NEB: variants seen among roughly 807,000 people sequenced by gnomAD.
The protein encoded by NEB is nebulin.
In NEB, 512 loss-of-function variants were observed where a neutral mutation model predicts 952.2. That is an observed-to-expected ratio of 0.54 (90% confidence interval 0.50 to 0.58). The LOEUF (loss-of-function observed/expected upper bound fraction) is 0.58, where lower values mean the gene tolerates loss of function less well. Ranked by LOEUF, NEB falls within the 20% of genes least tolerant of loss-of-function variation. NEB has a pLI of 0.00. For synonymous variants in NEB, 2,900 were observed against 3,149.8 expected, an observed-to-expected ratio of 0.92 and a Z score of 2.66; for missense variants, 8,428 against 9,231.1, an observed-to-expected ratio of 0.91 and a Z score of 3.56.
intron 135 of NEB, 77 bp from the exon 136 acceptor site, chr2:151,541,628 T>C: frequency 8.7e-7 from 1 of 1,152,500 alleles, no homozygotes; most frequent in Non-Finnish European, 1.3e-6. Context: ...CTTCACTGCT[T>C]TTACATAGAA....
At chr2:151,553,265 C>T in intron 127 of NEB, 133 bp downstream of exon 127, 1 of 722,628 alleles carries the variant, frequency 1.4e-6, no homozygotes, top group Admixed American at 2.2e-5. Flanking sequence ...TGCTCTGCTC[C>T]TAGCAACTTT....
chr2:151,620,056 T>C (rs2098354972), intron 72 of NEB, among the ~76,000 whole-genome samples: 1 of 152,058 alleles, frequency 6.6e-6, no homozygotes, highest in Non-Finnish European at 1.5e-5. Flanking sequence ...GTCTCAGAAA[T>C]CCATCATGTG....
At position 151,664,774 on chromosome 2, in the gene NEB, T is replaced by G. The variant is rs2099190678; in HGVS notation, c.5328A>C (p.Gln1776His). ...ACCTACTTACATCACTCATGGTGAT[T>G]TGGTTTACTCTGGAGAGTAAAATAT... ...TPDILLSRVN[Q>H]ITMSDKLYKA... Residue 1776 changes from glutamine (Q) to histidine (H), a missense_variant, in exon 43 of 182, where the codon CAA becomes CAC. Gln to His is a conservative substitution (Grantham distance 24). Transcript: ENST00000397345. The G allele has an allele frequency of 1.2e-6, 2 of 1,609,704 alleles. No homozygotes were observed. The highest frequency in any genetic ancestry group is 2.7e-5 in the African/African-American group (2 of 74,812).
chr2:151,506,046 C>T, intron 164 of NEB, 120 bp downstream of exon 164: 2 of 859,608 alleles, frequency 2.3e-6, no homozygotes, highest in South Asian at 2.7e-5. Context: ...GGTACACAGG[C>T]ACCTATTTTA....
chr2:151,655,952 C>T lies in NEB; in HGVS notation c.6567G>A (p.Val2189=), dbSNP rs1462683058. ...ATTCAGTTGCTTTCTTGGCCTTCTC[C>T]ACTTCCAGAGAACCTGCTGGACTCC... ...LGWSPAGSLE[V]EKAKKATEYA... Residue 2189 remains valine (V), a synonymous_variant, in exon 50 of 182, where the codon GTG becomes GTA. Transcript: ENST00000397345. 6.2e-7 allele frequency: 1 copy of T among 1,613,790 alleles called. No homozygotes were observed. Among genetic ancestry groups the T allele is most frequent in the Non-Finnish European group, 8.5e-7 (1 of 1,179,792 alleles).
chr2:151,552,459 C>G (rs4664056), intron 128 of NEB, among the ~76,000 whole-genome samples: 88,562 of 151,976 alleles, frequency 0.58, 26,378 homozygotes, highest in Admixed American at 0.69. Context: ...CATAGACTCG[C>G]ATCACCTACA....
At chr2:151,670,414 A>G (rs184895840) in intron 38 of NEB, among the ~76,000 whole-genome samples, 1 of 144,756 alleles carries the variant, frequency 6.9e-6, no homozygotes, top group African/African-American at 2.8e-5. Flanking sequence ...TCTGACAGAA[A>G]GAATAAGAGT....
At chr2:151,643,610 G>A (rs1474797990) in intron 57 of NEB, among the ~76,000 whole-genome samples, 1 of 152,150 alleles carries the variant, frequency 6.6e-6, no homozygotes, top group African/African-American at 2.4e-5. Context: ...TGTCTAGCTC[G>A]ACAATCTAGA....
At chr2:151,674,951 G>T (rs1279265677) in intron 35 of NEB, among the ~76,000 whole-genome samples, 1 of 152,138 alleles carries the variant, frequency 6.6e-6, no homozygotes, top group Non-Finnish European at 1.5e-5. Flanking sequence ...AAATTTTAGG[G>T]TTGTTATTTT....
chr2:151,513,405 G>A (rs2075846620), intron 160 of NEB, among the ~76,000 whole-genome samples, 175 bp downstream of exon 160: 1 of 152,192 alleles, frequency 6.6e-6, no homozygotes, highest in Non-Finnish European at 1.5e-5. Context: ...ACAGCAATGA[G>A]CCTGGCAAAG....
chr2:151,716,595 G>A (rs1311234036), intron 10 of NEB, among the ~76,000 whole-genome samples: 1 of 151,886 alleles, frequency 6.6e-6, no homozygotes, highest in Non-Finnish European at 1.5e-5. Flanking sequence ...TACACAGTTA[G>A]GTAATCTACA....
chr2:151,644,319 A>T, intron 56 of NEB, 149 bp downstream of exon 56: 1 of 1,044,338 alleles, frequency 9.6e-7, no homozygotes, highest in Non-Finnish European at 1.4e-6. Flanking sequence ...TGCATCCTTG[A>T]TCTTATCCTC....
At chr2:151,725,663 T>C (rs2099788374) in intron 5 of NEB, 103 bp from the exon 6 acceptor site, 1 of 887,310 alleles carries the variant, frequency 1.1e-6, no homozygotes, top group Non-Finnish European at 1.8e-6. Flanking sequence ...TTATAGCAAT[T>C]ATCAATTATA....
At chr2:151,685,440 T>C (rs1024809790) in intron 27 of NEB, among the ~76,000 whole-genome samples, 1 of 152,236 alleles carries the variant, frequency 6.6e-6, no homozygotes, top group Admixed American at 6.5e-5. Flanking sequence ...AGAGTCATTT[T>C]TGAATGGATA....
At chr2:151,672,786 G>T in intron 36 of NEB, 106 bp from the exon 37 acceptor site, 1 of 1,111,858 alleles carries the variant, frequency 9.0e-7, no homozygotes, top group Non-Finnish European at 1.3e-6. Context: ...TTTCTCAAGA[G>T]TGTACAAAAA....
chr2:151,532,962 T>C (rs941503779), intron 143 of NEB, among the ~76,000 whole-genome samples: 6 of 152,110 alleles, frequency 3.9e-5, no homozygotes, highest in Non-Finnish European at 7.4e-5. Flanking sequence ...CAATTCAGCA[T>C]CAAAGTCAAG....
At chr2:151,509,919 T>C (rs1469697138) in intron 161 of NEB, among the ~76,000 whole-genome samples, 2 of 152,208 alleles carry the variant, frequency 1.3e-5, no homozygotes, top group Admixed American at 1.3e-4. Flanking sequence ...AGAGTTTTTA[T>C]TTCTGTAACT....
intron 113 of NEB, among the ~76,000 whole-genome samples, chr2:151,567,821 T>C (rs2096469816): frequency 6.6e-6 from 1 of 151,362 alleles, no homozygotes. Context: ...TAAGAAAAAG[T>C]AAAGAATTTG....
chr2:151,612,463 C>A, intron 77 of NEB, 74 bp from the exon 78 acceptor site: 2 of 1,301,334 alleles, frequency 1.5e-6, no homozygotes, highest in Non-Finnish European at 2.2e-6. Context: ...ATTTAACATA[C>A]ACAGATAATG....
Sources: allele counts gnomAD v4.1 joint callset (sites outside exome capture counted in the v4.1 genomes callset), GRCh38; gene constraint gnomAD v4.1.1; transcripts MANE v1.5; gene names NCBI Gene and HGNC (gene_info 2026-07-23, HGNC 2026-07-21).